The following SYT1 variants were observed in gnomAD, a reference collection of about 807,000 sequenced individuals.
SYT1 encodes synaptotagmin 1, also known as synaptotagmin-1.
A neutral mutation model predicts 44.8 loss-of-function variants in SYT1; 8 were observed. The observed-to-expected ratio is 0.18, with a 90% CI of 0.10 to 0.32. The LOEUF is 0.32. SYT1 is among the 10% of genes least tolerant of loss of function. SYT1 has a pLI of 1.00. For synonymous variants in SYT1, 154 were observed against 188.8 expected (o/e 0.82, Z 1.51); for missense variants, 286 against 509.3 (o/e 0.56, Z 4.22).
intron 9 of SYT1, among the ~76,000 whole-genome samples, chr12:79,437,164 C>T (rs1437446637): frequency 5.9e-5 from 9 of 152,094 alleles, no homozygotes; most frequent in African/African-American, 1.9e-4. Context: ...TAAGTTAGGA[C>T]GGGGCTGTGA....
intron 1 of SYT1, among the ~76,000 whole-genome samples, chr12:78,927,648 A>G (rs912348688): frequency 5.9e-5 from 9 of 152,188 alleles, no homozygotes; most frequent in African/African-American, 7.2e-5. Context: ...TTCCTTCTTT[A>G]GATGAAATTG....
chr12:79,239,219 C>T (rs1876360732), intron 4 of SYT1, among the ~76,000 whole-genome samples: 2 of 152,156 alleles, frequency 1.3e-5, no homozygotes, highest in Admixed American at 6.5e-5. Flanking sequence ...CAAGCTATTC[C>T]TCTGCAGAAC....
intron 8 of SYT1, among the ~76,000 whole-genome samples, chr12:79,336,865 C>T (rs988967908): frequency 1.3e-5 from 2 of 151,838 alleles, no homozygotes; most frequent in African/African-American, 2.4e-5. Flanking sequence ...GGGGTGGAGA[C>T]AGGGTCTTGT....
At position 78,987,150 on chromosome 12, in the gene SYT1, C is replaced by A. The variant is rs148571554; in HGVS notation, c.-84+9219C>A. On this transcript the variant is annotated intron_variant, in intron 2 of 10. Transcript: ENST00000261205. ...GCCAGTTTATGCACCAGGAAGCAGT[C>A]TTTGACAAACACCACTGTGAAGGCA... Among the ~76,000 whole-genome samples the A allele has an allele frequency of 4.5e-3, 685 of 152,146 alleles. 5 individuals carry two copies. Among genetic ancestry groups the A allele is most frequent in the African/African-American group, 0.015 (636 of 41,550 alleles).
chr12:79,085,077 G>A (rs140800603), intron 3 of SYT1, among the ~76,000 whole-genome samples: 1 of 152,228 alleles, frequency 6.6e-6, no homozygotes, highest in African/African-American at 2.4e-5. Context: ...CAAAGTTTGT[G>A]TATGTTGAAC....
At chr12:79,332,940 A>G (rs993296480) in intron 8 of SYT1, among the ~76,000 whole-genome samples, 4 of 152,182 alleles carry the variant, frequency 2.6e-5, no homozygotes, top group East Asian at 1.9e-4. Context: ...CAGTGACATT[A>G]TGAAACTATC....
At chr12:79,096,266 A>G (rs184242557) in intron 3 of SYT1, among the ~76,000 whole-genome samples, 57 of 152,068 alleles carry the variant, frequency 3.7e-4, no homozygotes, top group Non-Finnish European at 7.8e-4. Context: ...TGTTTGCTTT[A>G]TTAATATAGA....
intron 9 of SYT1, among the ~76,000 whole-genome samples, chr12:79,421,234 G>A (rs1593052591): frequency 6.6e-6 from 1 of 152,146 alleles, no homozygotes; most frequent in Non-Finnish European, 1.5e-5. Flanking sequence ...GAATTGTTTT[G>A]GAATTGATTG....
At position 79,449,220 on chromosome 12, in the gene SYT1, CA is replaced by C; in HGVS notation, c.*97del. The C allele has an allele frequency of 2.4e-6, 3 of 1,265,990 alleles. No individual in the cohort carries two copies. In the South Asian group the frequency reaches 4.3e-5, roughly 18 times the overall value. 78.4% of individuals were successfully genotyped at this position (1,265,990 alleles called of 1,614,324 possible). A position where few individuals can be genotyped will look rare whatever the true frequency, so the allele number is the denominator to read the frequency against. The stretch of plus-strand genomic sequence containing the variant: ...ATATGGGTCCTTTCATTTTTCCAGC[CA>C]TGCATTCCTAACACAATTCAGTGGT... On this transcript the variant is annotated 3_prime_UTR_variant, in exon 11 of 11. Coordinates refer to ENST00000261205, the MANE Select transcript of SYT1 (RefSeq NM_005639.3).
At chr12:79,308,124 A>G (rs961982335) in intron 8 of SYT1, among the ~76,000 whole-genome samples, 8 of 152,214 alleles carry the variant, frequency 5.3e-5, no homozygotes, top group Admixed American at 2.6e-4. Context: ...AGAGGCAAGA[A>G]CTCGAAGACC....
chr12:79,008,416 A>G (rs1359730796), intron 2 of SYT1, among the ~76,000 whole-genome samples: 1 of 152,208 alleles, frequency 6.6e-6, no homozygotes, highest in Non-Finnish European at 1.5e-5. Flanking sequence ...TCTAATTACA[A>G]TAATAAGCCA....
At chr12:79,057,348 A>T (rs1033551053) in intron 3 of SYT1, among the ~76,000 whole-genome samples, 2 of 152,032 alleles carry the variant, frequency 1.3e-5, no homozygotes, top group African/African-American at 4.8e-5. Flanking sequence ...GTTTCAGACT[A>T]AGGAAAATGT....
At chr12:79,095,990 G>A (rs1185450900) in intron 3 of SYT1, among the ~76,000 whole-genome samples, 1 of 151,892 alleles carries the variant, frequency 6.6e-6, no homozygotes, top group Non-Finnish European at 1.5e-5. Flanking sequence ...GAAGGATAGA[G>A]TCTTGGCGGT....
At chr12:79,146,833 A>G (rs901540146) in intron 3 of SYT1, among the ~76,000 whole-genome samples, 1 of 151,868 alleles carries the variant, frequency 6.6e-6, no homozygotes, top group African/African-American at 2.4e-5. Flanking sequence ...AAAAGGCTAA[A>G]CAGCATATAT....
At position 79,147,490 on chromosome 12, in the gene SYT1, T is replaced by G. The variant is rs976291253; in HGVS notation, c.-17-70013T>G. Among the ~76,000 whole-genome samples the G allele has an allele frequency of 2.6e-5, 4 of 152,124 alleles. No individual in the cohort carries two copies. In the South Asian group the frequency reaches 6.2e-4, roughly 24 times the overall value. On this transcript the variant is annotated intron_variant, in intron 3 of 10. Coordinates refer to ENST00000261205, the MANE Select transcript of SYT1 (RefSeq NM_005639.3). Reference sequence around the variant, plus strand: ...AAAATATTTTTGTGAATTTTGAAACTGGGGGAAAAAGAGTGTTACAATGTT... The same window carrying G: ...AAAATATTTTTGTGAATTTTGAAACGGGGGGAAAAAGAGTGTTACAATGTT...
chr12:79,394,451 A>G (rs967352238), intron 9 of SYT1, among the ~76,000 whole-genome samples: 11 of 152,238 alleles, frequency 7.2e-5, no homozygotes, highest in African/African-American at 2.7e-4. Context: ...TGATAAAGAC[A>G]GATGGCCATG....
intron 1 of SYT1, among the ~76,000 whole-genome samples, chr12:78,953,669 T>A (rs1411917741): frequency 6.6e-6 from 1 of 152,012 alleles, no homozygotes; most frequent in African/African-American, 2.4e-5. Context: ...CAGTATGACA[T>A]TAAGAAAACA....
intron 1 of SYT1, among the ~76,000 whole-genome samples, chr12:78,896,127 C>T (rs550167140): frequency 1.3e-5 from 2 of 151,720 alleles, no homozygotes; most frequent in African/African-American, 4.8e-5. Context: ...CTCTGTATAC[C>T]ACCAAATCCC....
intron 1 of SYT1, among the ~76,000 whole-genome samples, chr12:78,934,884 A>T (rs1208767720): frequency 6.6e-6 from 1 of 152,188 alleles, no homozygotes; most frequent in Non-Finnish European, 1.5e-5. Context: ...TGAATTTAGG[A>T]ATTCAAGCAG....
Sources: allele counts gnomAD v4.1 joint callset (sites outside exome capture counted in the v4.1 genomes callset), GRCh38; gene constraint gnomAD v4.1.1; transcripts MANE v1.5; gene names NCBI Gene and HGNC (gene_info 2026-07-23, HGNC 2026-07-21).